NDUFV2: variants seen among roughly 807,000 people sequenced by gnomAD.
The protein encoded by NDUFV2 is NADH dehydrogenase [ubiquinone] flavoprotein 2, mitochondrial.
A neutral mutation model predicts 31.6 loss-of-function variants in NDUFV2; 18 were observed. The ratio of observed to expected loss-of-function variants is 0.57; its 90% confidence interval spans 0.39 to 0.84. The LOEUF is 0.84. Among genes scored for constraint, NDUFV2 ranks in the 40% least tolerant of loss-of-function variants. The pLI, the probability that NDUFV2 is intolerant of heterozygous loss-of-function variation, is 0.00. For synonymous variants in NDUFV2, 83 were observed against 99.8 expected (o/e 0.83, Z 1.01); for missense variants, 314 against 303.6 (o/e 1.03, Z -0.26).
chr18:9,132,546 T>C (rs1432848186), intron 7 of NDUFV2: 6 of 152,166 alleles, frequency 3.9e-5, no homozygotes, highest in Non-Finnish European at 8.8e-5. Context: ...TTCATTGACA[T>C]TTAAAGAGCA....
chr18:9,126,970 T>A (rs2077996758), intron 7 of NDUFV2, 63 bp downstream of exon 7: 1 of 1,374,584 alleles, frequency 7.3e-7, no homozygotes, highest in Admixed American at 1.7e-5. Flanking sequence ...TCAGATAAAC[T>A]TGATTTAAAA....
chr18:9,107,995 C>G (rs2077850202), intron 1 of NDUFV2, among the ~76,000 whole-genome samples: 2 of 152,106 alleles, frequency 1.3e-5, no homozygotes, highest in Admixed American at 1.3e-4. Context: ...AACCCCGGGT[C>G]CACTGGATGG....
chr18:9,109,467 C>CA (rs1183468269), intron 1 of NDUFV2, among the ~76,000 whole-genome samples: 8 of 152,018 alleles, frequency 5.3e-5, no homozygotes, highest in Non-Finnish European at 7.4e-5. Context: ...AAGTGAGCTT[C>CA]GTTGGATGGT....
At chr18:9,134,110 T>G in intron 7 of NDUFV2, 76 bp from the exon 8 acceptor site, 1 of 1,105,914 alleles carries the variant, frequency 9.0e-7, no homozygotes, top group Non-Finnish European at 1.4e-6. Flanking sequence ...TGGGCTCTTG[T>G]GAGGTAACCA....
chr18:9,110,057 G>C (rs2077862246), intron 1 of NDUFV2, among the ~76,000 whole-genome samples: 1 of 152,106 alleles, frequency 6.6e-6, no homozygotes, highest in Non-Finnish European at 1.5e-5. Flanking sequence ...GGAATTTCTT[G>C]AGGTATAGAC....
chr18:9,114,991 A>C (rs2077890870), intron 1 of NDUFV2, among the ~76,000 whole-genome samples: 1 of 152,240 alleles, frequency 6.6e-6, no homozygotes, highest in East Asian at 1.9e-4. Flanking sequence ...ATATTAATCC[A>C]AAATGGAAGC....
At chr18:9,103,017 C>A in intron 1 of NDUFV2, 2 of 497,640 alleles carry the variant, frequency 4.0e-6, no homozygotes, top group South Asian at 3.2e-5. Flanking sequence ...CTAGTTTGGT[C>A]GAGGAGGACA....
At chr18:9,103,430 C>G (rs1226996019) in intron 1 of NDUFV2, 2 of 300,708 alleles carry the variant, frequency 6.7e-6, no homozygotes, top group Admixed American at 5.0e-5. Context: ...AAGTACATCT[C>G]ATGGTAGGCA....
intron 1 of NDUFV2, chr18:9,104,125 G>A (rs2077828989): frequency 6.2e-7 from 1 of 1,611,600 alleles, no homozygotes; most frequent in Admixed American, 1.7e-5. Flanking sequence ...TAACAGATTG[G>A]GCATGGGGTC....
In NDUFV2 at chr18:9,118,530, T is replaced by C. The variant is rs547072631; in HGVS notation, c.120+627T>C. 3.9e-5 allele frequency among the ~76,000 whole-genome samples: 6 copies of C among 152,280 alleles called. No individual in the cohort carries two copies. In the South Asian group the frequency reaches 1.2e-3, roughly 32 times the overall value. On this transcript the variant is annotated intron_variant, in intron 2 of 7. Transcript: ENST00000318388. ...TATCAAGCATCAAATTGGCCACATA[T>C]TTGAGATCATTGTCCAGAGTGTCTG...
chr18:9,113,631 CAGAT>C (rs1324062807), intron 1 of NDUFV2, among the ~76,000 whole-genome samples: 5 of 152,196 alleles, frequency 3.3e-5, no homozygotes, highest in African/African-American at 9.7e-5. Flanking sequence ...AATCCACAAG[CAGAT>C]AGCCCGGTGC....
intron 1 of NDUFV2, among the ~76,000 whole-genome samples, chr18:9,111,739 C>T (rs1465274925): frequency 6.6e-6 from 1 of 151,776 alleles, no homozygotes; most frequent in Non-Finnish European, 1.5e-5. Flanking sequence ...TGAAGTACAT[C>T]TTTTAATGCT....
In NDUFV2 at chr18:9,119,365, G is replaced by T. The variant is rs2077917645; in HGVS notation, c.160G>T (p.Asp54Tyr). Residue 54 changes from aspartate to tyrosine, a missense_variant, in exon 3 of 8, where the codon GAT (aspartate) becomes TAT (tyrosine). Asp to Tyr is a radical substitution (Grantham distance 160). Transcript: ENST00000318388. Reference protein sequence around the residue: ...TPENNPDTPFDFTPENYKRIE... With the variant: ...TPENNPDTPFYFTPENYKRIE... ...TGAGAATAACCCTGATACTCCATTT[G>T]ATTTCACACCAGAAAACTATAAGGT... 6.2e-7 allele frequency: 1 copy of T among 1,612,996 alleles called. No individual in the cohort carries two copies. Among genetic ancestry groups the T allele is most frequent in the South Asian group, 1.1e-5 (1 of 91,018 alleles).
intron 1 of NDUFV2, among the ~76,000 whole-genome samples, chr18:9,115,389 A>G (rs1166198805): frequency 1.3e-5 from 2 of 152,144 alleles, no homozygotes; most frequent in South Asian, 4.1e-4. Flanking sequence ...TGTTAGCTAC[A>G]TAACGTTCTA....
At position 9,102,765 on chromosome 18, in the gene NDUFV2, C is replaced by G. The variant is rs1042226771; in HGVS notation, c.22C>G (p.Arg8Gly). The G allele has an allele frequency of 6.3e-7, 1 of 1,584,654 alleles. No individual in the cohort carries two copies. The highest frequency in any genetic ancestry group is 8.6e-7 in the Non-Finnish European group (1 of 1,167,658). Reference sequence around the variant, plus strand: ...CGCCATGTTCTTCTCCGCGGCGCTCCGGGCCCGGGCGGCTGGCCTCACCGC... The same window carrying G: ...CGCCATGTTCTTCTCCGCGGCGCTCGGGGCCCGGGCGGCTGGCCTCACCGC... MFFSAALRARAAGLTAHW... is the reference protein window; with the variant it reads MFFSAALGARAAGLTAHW... The change falls in exon 1 of 8, where the codon CGG (arginine) becomes GGG (glycine). Residue 8 changes from arginine (R) to glycine (G), a missense_variant. By Grantham distance (125) the Arg-to-Gly change is moderately radical. Transcript: ENST00000318388.
chr18:9,130,657 T>G (rs190810981), intron 7 of NDUFV2, among the ~76,000 whole-genome samples: 90 of 152,328 alleles, frequency 5.9e-4, no homozygotes, highest in African/African-American at 2.0e-3. Flanking sequence ...AATATAGTTA[T>G]AGTTATTCTA....
chr18:9,103,430 CATG>C, intron 1 of NDUFV2: 1 of 300,826 alleles, frequency 3.3e-6, no homozygotes, highest in Non-Finnish European at 6.0e-6. Flanking sequence ...AAGTACATCT[CATG>C]GTAGGCAAGG....
intron 7 of NDUFV2, among the ~76,000 whole-genome samples, chr18:9,132,987 A>G (rs967459480): frequency 1.3e-5 from 2 of 152,222 alleles, no homozygotes. Context: ...ACAGTATACA[A>G]TGACTGCTTT....
chr18:9,133,588 C>T (rs1399498972), intron 7 of NDUFV2: 1 of 152,652 alleles, frequency 6.6e-6, no homozygotes, highest in Admixed American at 6.5e-5. Context: ...CTGATTTTGA[C>T]TTCGCTGCTT....
Sources: allele counts gnomAD v4.1 joint callset (sites outside exome capture counted in the v4.1 genomes callset), GRCh38; gene constraint gnomAD v4.1.1; transcripts MANE v1.5; gene names NCBI Gene and HGNC (gene_info 2026-07-23, HGNC 2026-07-21).